The following DCLK3 variants were observed in gnomAD, a reference collection of about 807,000 sequenced individuals.
DCLK3 encodes serine/threonine-protein kinase DCLK3.
A neutral mutation model predicts 46.4 loss-of-function variants in DCLK3; 30 were observed. That is an observed-to-expected ratio of 0.65 (90% CI 0.48 to 0.88). The LOEUF is 0.88. DCLK3 is among the 40% of genes least tolerant of loss of function. The pLI, the probability that DCLK3 is intolerant of heterozygous loss-of-function variation, is 0.00. For synonymous variants in DCLK3, 401 were observed against 339.2 expected (o/e 1.18, Z -2.00); for missense variants, 846 against 907.1 (o/e 0.93, Z 0.87).
intron 1 of DCLK3, among the ~76,000 whole-genome samples, chr3:36,759,898 T>C (rs1195922071): frequency 1.3e-5 from 2 of 152,166 alleles, no homozygotes; most frequent in South Asian, 4.1e-4. Flanking sequence ...CACCATATCA[T>C]AATCGTACAT....
chr3:36,758,967 A>G (rs1294684678), intron 1 of DCLK3, among the ~76,000 whole-genome samples: 1 of 152,230 alleles, frequency 6.6e-6, no homozygotes, highest in Non-Finnish European at 1.5e-5. Context: ...GTTAATCCAA[A>G]TGTATTTGAC....
rs759411546 is a variant in DCLK3 at position 36,737,471 on chromosome 3, C to A, written c.1696G>T (p.Asp566Tyr). The change falls in exon 2 of 5, where the codon GAC becomes TAC. Residue 566 changes from aspartate to tyrosine, a missense_variant. Asp to Tyr is a radical substitution (Grantham distance 160). This residue lies in a region of DCLK3 where 247 missense variants were observed against 322.8 expected (regional missense o/e 0.77). Transcript: ENST00000636136. This position sits in a 1 kb window ranked among gnomAD's most constrained non-coding sequence, Gnocchi z 4.4. ...ATCAAGATCTCACTGTCCACCATGT[C>A]CTCCTTGCCCTTGAGTCTGGACTTG... Reference protein sequence around the residue: ...IDKSRLKGKEDMVDSEILIIQ... With the variant: ...IDKSRLKGKEYMVDSEILIIQ... 8 of 1,614,200 alleles carry A rather than the reference C, an allele frequency of 5.0e-6. No individual in the cohort carries two copies. The South Asian group carries it at 8.8e-5, about 18-fold the overall frequency.
intron 1 of DCLK3, among the ~76,000 whole-genome samples, chr3:36,755,834 T>C (rs1701480213): frequency 6.6e-6 from 1 of 152,216 alleles, no homozygotes. Context: ...CTTGCTTGTA[T>C]GAATCCCAGT....
Position 36,738,119 on chromosome 3 carries a change from TG to T in DCLK3, c.1047del (p.Arg350GlufsTer34). The T allele has an allele frequency of 1.9e-6, 3 of 1,614,036 alleles. No individual in the cohort carries two copies. The highest frequency in any genetic ancestry group is 2.5e-6 in the Non-Finnish European group (3 of 1,179,982). On this transcript the variant is annotated frameshift_variant, in exon 2 of 5. Coordinates refer to ENST00000636136, the MANE Select transcript of DCLK3 (RefSeq NM_001394672.2). LOFTEE classifies it high-confidence loss of function. ...PMYDVEKLVR[T>X]RSCRRSPEAN... ...GCCTCGGGAGACCTCCTGCAGCTTC[TG>T]GTCCTCACCAGCTTCTCCACATCAT...
rs1700927623 is a variant in DCLK3, at chr3:36,712,895, A to C, written c.*2433T>G. 1 of 152,164 alleles carries C rather than the reference A, an allele frequency of 6.6e-6. No individual in the cohort carries two copies. The highest frequency in any genetic ancestry group is 1.5e-5 in the Non-Finnish European group (1 of 68,038). The allele number at this position is 152,164 out of a possible 1,614,324, so 9.4% of individuals were successfully genotyped here. On this transcript the variant is annotated 3_prime_UTR_variant, in exon 5 of 5. Coordinates refer to ENST00000636136, the MANE Select transcript of DCLK3 (RefSeq NM_001394672.2). ...GGCTACTACAAATAAAGCACCTATA[A>C]ATATTGTGAAGTCTTCATAGGACAT...
intron 2 of DCLK3, among the ~76,000 whole-genome samples, chr3:36,731,374 A>T (rs1303560975): frequency 1.3e-5 from 2 of 151,710 alleles, no homozygotes; most frequent in African/African-American, 4.8e-5. Flanking sequence ...ATATCTCCCA[A>T]CTTAAAAAAA....
In DCLK3 at chr3:36,718,227, C is replaced by A. The variant is rs745542516; in HGVS notation, c.2093-50G>T. The A allele has an allele frequency of 3.7e-6, 6 of 1,608,508 alleles. No individual in the cohort carries two copies. The East Asian group carries it at 8.9e-5, about 24-fold the overall frequency. On this transcript the variant is annotated intron_variant, in intron 3 of 4. Coordinates refer to ENST00000636136, the MANE Select transcript of DCLK3 (RefSeq NM_001394672.2). Reference sequence around the variant, plus strand: ...AAGCAAACCTGAGACCAGGCAGGGTCAAAGGTGATGAAATAAATGATGGAG... The same window carrying A: ...AAGCAAACCTGAGACCAGGCAGGGTAAAAGGTGATGAAATAAATGATGGAG...
At chr3:36,728,716 C>A (rs1701155879) in intron 2 of DCLK3, among the ~76,000 whole-genome samples, 1 of 152,204 alleles carries the variant, frequency 6.6e-6, no homozygotes, top group Non-Finnish European at 1.5e-5. Flanking sequence ...ACTCCTCAGT[C>A]TCCATAATCA....
At position 36,738,584 on chromosome 3, in the gene DCLK3, G is replaced by A; in HGVS notation, c.583C>T (p.Leu195=). The A allele has an allele frequency of 1.4e-6, 2 of 1,414,330 alleles. No individual in the cohort carries two copies. The highest frequency in any genetic ancestry group is 1.8e-6 in the Non-Finnish European group (2 of 1,081,732). The allele number at this position is 1,414,330 out of a possible 1,614,324, so 87.6% of individuals were successfully genotyped here. A position where few individuals can be genotyped will look rare whatever the true frequency, so the allele number is the denominator to read the frequency against. Residue 195 remains leucine (L), a synonymous_variant, in exon 2 of 5, where the codon CTG becomes TTG. Coordinates refer to ENST00000636136, the MANE Select transcript of DCLK3 (RefSeq NM_001394672.2). ...GCACGGCTGTGCTGGGCCAGTGTCA[G>A]GGCCCGGGCTTTGTTGGGGTACAGT... The part of the protein sequence containing the change: ...EELYPNKARA[L]TLAQHSRAPS...
intron 1 of DCLK3, among the ~76,000 whole-genome samples, chr3:36,741,053 T>C (rs1701339110): frequency 6.6e-6 from 1 of 152,222 alleles, no homozygotes; most frequent in South Asian, 2.1e-4. Flanking sequence ...AGCTTAACAA[T>C]CACATTTACA....
At chr3:36,720,986 T>G (rs1314064281) in intron 3 of DCLK3, among the ~76,000 whole-genome samples, 1 of 152,228 alleles carries the variant, frequency 6.6e-6, no homozygotes, top group African/African-American at 2.4e-5. Context: ...TAGAGCCATA[T>G]CATAACTATT....
chr3:36,755,402 A>G (rs1197485363), intron 1 of DCLK3, among the ~76,000 whole-genome samples: 1 of 152,188 alleles, frequency 6.6e-6, no homozygotes, highest in Non-Finnish European at 1.5e-5. Flanking sequence ...ACTACTTTAT[A>G]TGAGAATTTA....
chr3:36,722,213 G>C (rs1223745413), intron 2 of DCLK3, among the ~76,000 whole-genome samples: 1 of 152,176 alleles, frequency 6.6e-6, no homozygotes. Flanking sequence ...TGGGGCAGGG[G>C]TGAGGGGGAG....
At position 36,737,848 on chromosome 3, in the gene DCLK3, T is replaced by A; in HGVS notation, c.1319A>T (p.Lys440Ile). 3.1e-6 allele frequency: 5 copies of A among 1,614,026 alleles called. No individual in the cohort carries two copies. The highest frequency in any genetic ancestry group is 4.2e-6 in the Non-Finnish European group (5 of 1,180,034). The stretch of plus-strand genomic sequence containing the variant: ...CTCTCTCAGGAGCCAGCCACCATGT[T>A]TGCTCCTGCTCATGGGCCTGGTGTC... ...KKDTRPMSRS[K>I]HGGWLLREHQ... Residue 440 changes from lysine to isoleucine, a missense_variant, in exon 2 of 5, where the codon AAA becomes ATA. Around this residue, in one of 3 missense-constraint regions of DCLK3, gnomAD observed 553 missense variants for 543.0 expected, o/e 1.02. Coordinates refer to ENST00000636136, the MANE Select transcript of DCLK3 (RefSeq NM_001394672.2). This position sits in a 1 kb window ranked among gnomAD's most constrained non-coding sequence, Gnocchi z 4.4.
At chr3:36,746,085 A>T (rs1701391286) in intron 1 of DCLK3, among the ~76,000 whole-genome samples, 2 of 152,194 alleles carry the variant, frequency 1.3e-5, no homozygotes, top group African/African-American at 4.8e-5. Flanking sequence ...TATTACCAAC[A>T]TGACATTGAC....
chr3:36,717,591 T>G (rs1330679315), intron 4 of DCLK3, among the ~76,000 whole-genome samples: 1 of 152,150 alleles, frequency 6.6e-6, no homozygotes, highest in Admixed American at 6.5e-5. Context: ...AACTGAGATC[T>G]TCATTGCAGA....
intron 2 of DCLK3, among the ~76,000 whole-genome samples, chr3:36,724,972 G>A (rs1347065448): frequency 1.2e-4 from 18 of 150,546 alleles, no homozygotes; most frequent in Non-Finnish European, 7.4e-5. Context: ...GATGGTCTTG[G>A]ACAAATTTCT....
chr3:36,717,914 T>C (rs186123765), intron 4 of DCLK3, 96 bp downstream of exon 4: 6 of 1,494,198 alleles, frequency 4.0e-6, no homozygotes, highest in Middle Eastern at 1.8e-4. Flanking sequence ...ATGTTGACAG[T>C]CCAACTCTGC....
At chr3:36,718,259 G>A (rs1701010827) in intron 3 of DCLK3, 82 bp from the exon 4 acceptor site, 1 of 1,583,282 alleles carries the variant, frequency 6.3e-7, no homozygotes, top group South Asian at 1.1e-5. Flanking sequence ...GGAGTATTGT[G>A]GTTCTAAATA....
Sources: gnomAD v4.1 joint callset for allele counts (sites outside exome capture counted in the v4.1 genomes callset) on GRCh38, gnomAD v4.1.1 for gene constraint, gnomAD v4.1.1 regional missense constraint, Gnocchi (gnomAD v3.1) non-coding constraint, MANE v1.5 for transcripts, NCBI Gene and HGNC (gene_info 2026-07-23, HGNC 2026-07-21) for gene names.